The following CADM2 variants were observed in gnomAD, a reference collection of about 807,000 sequenced individuals.
CADM2 encodes cell adhesion molecule 2.
In CADM2, 12 loss-of-function variants were observed where a neutral mutation model predicts 49.8. That is an observed-to-expected ratio of 0.24 (90% CI 0.15 to 0.39). CADM2 has a LOEUF of 0.39. Among genes scored for constraint, CADM2 ranks in the 10% least tolerant of loss-of-function variants. The pLI is 1.00. For synonymous variants in CADM2, 214 were observed against 175.4 expected, an observed-to-expected ratio of 1.22 and a Z score of -1.74; for missense variants, 378 against 492.3, an observed-to-expected ratio of 0.77 and a Z score of 2.20.
intron 5 of CADM2, among the ~76,000 whole-genome samples, chr3:85,909,246 T>C (rs1717235813): frequency 6.6e-6 from 1 of 152,108 alleles, no homozygotes; most frequent in African/African-American, 2.4e-5. Flanking sequence ...CCAGAAGGTC[T>C]ACTAGAGAGA....
At chr3:85,053,311 A>C (rs1269878897) in intron 1 of CADM2, among the ~76,000 whole-genome samples, 2 of 152,030 alleles carry the variant, frequency 1.3e-5, no homozygotes, top group Non-Finnish European at 2.9e-5. Context: ...TGATCATGCT[A>C]TCTCTACTTT....
intron 1 of CADM2, among the ~76,000 whole-genome samples, chr3:85,408,188 A>T (rs747569809): frequency 6.6e-6 from 1 of 152,162 alleles, no homozygotes; most frequent in Non-Finnish European, 1.5e-5. Context: ...ATAATAGTTC[A>T]GCAATATTTT....
chr3:85,092,640 C>G (rs897403702), intron 1 of CADM2, among the ~76,000 whole-genome samples: 6 of 152,162 alleles, frequency 3.9e-5, no homozygotes, highest in African/African-American at 1.4e-4. Context: ...GCATTTTAAT[C>G]TTGTGGCTCA....
intron 1 of CADM2, among the ~76,000 whole-genome samples, chr3:85,502,124 T>A (rs1189399011): frequency 6.6e-6 from 1 of 152,182 alleles, no homozygotes; most frequent in Non-Finnish European, 1.5e-5. Flanking sequence ...AAGTAAAGGA[T>A]ACACGGAGTA....
intron 1 of CADM2, among the ~76,000 whole-genome samples, chr3:85,399,339 T>C (rs1304344509): frequency 6.6e-6 from 1 of 152,168 alleles, no homozygotes; most frequent in East Asian, 1.9e-4. Flanking sequence ...TTCTGTTCCA[T>C]TGGTCTATAT....
intron 8 of CADM2, chr3:85,992,456 A>G (rs1728897794): frequency 6.6e-6 from 1 of 152,112 alleles, no homozygotes; most frequent in Non-Finnish European, 1.5e-5. Context: ...GTTAGGTATA[A>G]AACTATAGTG....
intron 1 of CADM2, among the ~76,000 whole-genome samples, chr3:85,134,424 C>T (rs1185789155): frequency 6.6e-6 from 1 of 152,254 alleles, no homozygotes; most frequent in Non-Finnish European, 1.5e-5. Context: ...TGTCACCTCT[C>T]AATACCACAC....
At chr3:85,331,720 T>A (rs1464057709) in intron 1 of CADM2, among the ~76,000 whole-genome samples, 1 of 152,034 alleles carries the variant, frequency 6.6e-6, no homozygotes, top group African/African-American at 2.4e-5. Flanking sequence ...ATGGCTGTGA[T>A]AATTTACATT....
intron 1 of CADM2, among the ~76,000 whole-genome samples, chr3:84,985,300 G>C (rs547782550): frequency 4.3e-4 from 65 of 152,030 alleles, no homozygotes; most frequent in African/African-American, 1.4e-3. Flanking sequence ...GGGCACTCTG[G>C]TCAGCAGATA....
At chr3:85,566,409 A>C (rs1189765302) in intron 1 of CADM2, among the ~76,000 whole-genome samples, 1 of 152,122 alleles carries the variant, frequency 6.6e-6, no homozygotes, top group Non-Finnish European at 1.5e-5. Context: ...TTTGATACTC[A>C]GAGAAAACAA....
intron 8 of CADM2, among the ~76,000 whole-genome samples, chr3:86,059,687 C>T (rs1432003287): frequency 5.3e-5 from 8 of 152,058 alleles, no homozygotes; most frequent in Non-Finnish European, 8.8e-5. Flanking sequence ...AGCTTTACTT[C>T]GTCTTTTTAT....
intron 1 of CADM2, among the ~76,000 whole-genome samples, chr3:85,527,657 G>C (rs2061193253): frequency 6.6e-6 from 1 of 151,536 alleles, no homozygotes; most frequent in Non-Finnish European, 1.5e-5. Flanking sequence ...TTTAGTTTCT[G>C]ATTCAGCATG....
intron 1 of CADM2, among the ~76,000 whole-genome samples, chr3:85,127,932 TATTTAA>T (rs1426990050): frequency 6.6e-6 from 1 of 152,176 alleles, no homozygotes; most frequent in Non-Finnish European, 1.5e-5. Context: ...TGCTTGTGAC[TATTTAA>T]ATTTAAATTT....
intron 1 of CADM2, among the ~76,000 whole-genome samples, chr3:85,499,518 ATAAT>A (rs1435030187): frequency 6.6e-6 from 1 of 151,536 alleles, no homozygotes; most frequent in Non-Finnish European, 1.5e-5. Flanking sequence ...ATTTATGATT[ATAAT>A]TAATTTATAT....
Position 85,965,485 on chromosome 3 carries a change from A to T in CADM2, c.970+3838A>T, listed in dbSNP as rs143772088. Among the ~76,000 whole-genome samples, 212 of 151,574 alleles carry T rather than the reference A, an allele frequency of 1.4e-3. 1 individual carries two copies. Among genetic ancestry groups the T allele is most frequent in the Non-Finnish European group, 2.7e-3 (184 of 67,726 alleles). Reference sequence around the variant, plus strand: ...AATCAAACTCCAAGGGTCTGGTAAGAAACTTGCCCATGAGTTGCATACAGT... The same window carrying T: ...AATCAAACTCCAAGGGTCTGGTAAGTAACTTGCCCATGAGTTGCATACAGT... On this transcript the variant is annotated intron_variant, in intron 8 of 9. Coordinates refer to ENST00000383699, the MANE Select transcript of CADM2 (RefSeq NM_001167675.2).
chr3:85,905,092 A>G (rs996978187), intron 5 of CADM2, among the ~76,000 whole-genome samples: 1 of 151,966 alleles, frequency 6.6e-6, no homozygotes, highest in South Asian at 2.1e-4. Context: ...TTTTCTCTTT[A>G]GTGATATTGC....
At chr3:85,296,855 G>A (rs2043977432) in intron 1 of CADM2, among the ~76,000 whole-genome samples, 1 of 152,036 alleles carries the variant, frequency 6.6e-6, no homozygotes, top group Admixed American at 6.6e-5. Context: ...CAAATACCTT[G>A]TCCTTCAAGA....
At chr3:85,366,876 G>A (rs2032824706) in intron 1 of CADM2, among the ~76,000 whole-genome samples, 1 of 151,760 alleles carries the variant, frequency 6.6e-6, no homozygotes, top group South Asian at 2.1e-4. Context: ...TAATGATAGA[G>A]GTATGAAGAA....
intron 1 of CADM2, among the ~76,000 whole-genome samples, chr3:85,225,378 T>C (rs1222437077): frequency 6.6e-6 from 1 of 152,204 alleles, no homozygotes; most frequent in Non-Finnish European, 1.5e-5. Context: ...GAATGGGAGT[T>C]CACTCATTAT....
Sources: gnomAD v4.1 joint callset for allele counts (sites outside exome capture counted in the v4.1 genomes callset) on GRCh38, gnomAD v4.1.1 for gene constraint, MANE v1.5 for transcripts, NCBI Gene and HGNC (gene_info 2026-07-23, HGNC 2026-07-21) for gene names.